BCAS1: variants seen among roughly 807,000 people sequenced by gnomAD.
BCAS1 encodes the protein brain enriched myelin associated protein 1.
In BCAS1, 46 loss-of-function variants were observed where a neutral mutation model predicts 65.4. The observed-to-expected ratio is 0.70, with a 90% CI of 0.55 to 0.90. The LOEUF is 0.90. Ranked by LOEUF, BCAS1 falls within the 40% of genes least tolerant of loss-of-function variation. The probability of loss-of-function intolerance (pLI) is 0.00; values close to 1 mark genes in which losing one functional copy is unlikely to be tolerated. For synonymous variants in BCAS1, 298 were observed against 293.5 expected, an observed-to-expected ratio of 1.02 and a Z score of -0.16; for missense variants, 793 against 771.2, an observed-to-expected ratio of 1.03 and a Z score of -0.33.
At chr20:53,993,496 C>A (rs1238335166) in intron 6 of BCAS1, among the ~76,000 whole-genome samples, 1 of 152,164 alleles carries the variant, frequency 6.6e-6, no homozygotes, top group Non-Finnish European at 1.5e-5. Context: ...ACTAATGTGA[C>A]CCCACAGCTT....
chr20:54,056,385 G>A (rs1388447574), intron 3 of BCAS1, among the ~76,000 whole-genome samples: 1 of 152,142 alleles, frequency 6.6e-6, no homozygotes, highest in Non-Finnish European at 1.5e-5. Flanking sequence ...GTTCTCACTT[G>A]AAAGTGGGAG....
intron 4 of BCAS1, among the ~76,000 whole-genome samples, chr20:54,018,680 C>T (rs1277663952): frequency 2.6e-5 from 4 of 152,182 alleles, no homozygotes; most frequent in Non-Finnish European, 2.9e-5. Flanking sequence ...GCCTGATTGA[C>T]TCTCAGGCTG....
chr20:53,981,994 C>A (rs2090494530), intron 8 of BCAS1, among the ~76,000 whole-genome samples: 1 of 152,174 alleles, frequency 6.6e-6, no homozygotes, highest in Non-Finnish European at 1.5e-5. Context: ...ATGATGACAT[C>A]ATTCACTGAG....
At chr20:53,976,216 T>C (rs950087647) in intron 8 of BCAS1, among the ~76,000 whole-genome samples, 1 of 152,218 alleles carries the variant, frequency 6.6e-6, no homozygotes, top group African/African-American at 2.4e-5. Flanking sequence ...CATCTTTCTT[T>C]TGGTGGTTCT....
At chr20:53,963,001 C>T (rs2089926062) in intron 10 of BCAS1, among the ~76,000 whole-genome samples, 1 of 151,964 alleles carries the variant, frequency 6.6e-6, no homozygotes, top group South Asian at 2.1e-4. Flanking sequence ...CAGGCGCCCG[C>T]CACCATGCCC....
intron 10 of BCAS1, among the ~76,000 whole-genome samples, chr20:53,964,802 T>TC (rs200239647): frequency 0.025 from 3,687 of 148,300 alleles, 114 homozygotes; most frequent in African/African-American, 0.074. Flanking sequence ...TTTAGAGGTT[T>TC]TTTTTTTTTT....
At chr20:53,948,524 G>A (rs1002925184) in intron 12 of BCAS1, among the ~76,000 whole-genome samples, 1 of 152,174 alleles carries the variant, frequency 6.6e-6, no homozygotes. Context: ...CCTTTAGGTG[G>A]GCACCTGCCC....
intron 4 of BCAS1, among the ~76,000 whole-genome samples, chr20:53,996,860 C>T (rs990291516): frequency 4.6e-5 from 7 of 152,220 alleles, no homozygotes; most frequent in African/African-American, 1.7e-4. Flanking sequence ...CATGGTCTGC[C>T]CCTGCCTAAA....
chr20:54,055,705 G>GT (rs886866062), intron 3 of BCAS1, among the ~76,000 whole-genome samples: 1 of 152,074 alleles, frequency 6.6e-6, no homozygotes, highest in Non-Finnish European at 1.5e-5. Context: ...GTAGCCCCAG[G>GT]TTCATTGCAG....
intron 4 of BCAS1, among the ~76,000 whole-genome samples, chr20:54,011,256 G>A (rs1381338715): frequency 6.6e-6 from 1 of 152,026 alleles, no homozygotes; most frequent in African/African-American, 2.4e-5. Context: ...AAAAAATTTT[G>A]CCCTGTAAAA....
At chr20:54,041,597 C>T (rs1334741200) in intron 3 of BCAS1, among the ~76,000 whole-genome samples, 3 of 152,072 alleles carry the variant, frequency 2.0e-5, no homozygotes, top group African/African-American at 7.2e-5. Flanking sequence ...AAAAGAGCAG[C>T]TGTGGCTGGG....
intron 12 of BCAS1, 151 bp from the exon 13 acceptor site, chr20:53,945,147 G>C: frequency 1.4e-6 from 1 of 710,654 alleles, no homozygotes; most frequent in Non-Finnish European, 2.5e-6. Flanking sequence ...ATGGTCTCCA[G>C]TCAGATGCCC....
intron 3 of BCAS1, among the ~76,000 whole-genome samples, chr20:54,031,663 G>T (rs2091803386): frequency 6.6e-6 from 1 of 151,402 alleles, no homozygotes; most frequent in African/African-American, 2.4e-5. Flanking sequence ...ACCCAATCAT[G>T]TCATTTAAAC....
chr20:54,004,480 A>G (rs872924), intron 4 of BCAS1, among the ~76,000 whole-genome samples: 56,225 of 152,154 alleles, frequency 0.37, 11,659 homozygotes, highest in South Asian at 0.55. Flanking sequence ...GTGAAGTTCA[A>G]TATAAAGTAA....
In BCAS1 at chr20:53,994,251, T is replaced by G. The variant is rs554503283; in HGVS notation, c.927+761A>C. ...CCAAGACACTTATCTGTCACCAAGT[T>G]AAACTTCCTTCATGGTTCCCGTGAA... On this transcript the variant is annotated intron_variant, in intron 6 of 12. Transcript: ENST00000688948. Among the ~76,000 whole-genome samples, 13 of 152,354 alleles carry G rather than the reference T, an allele frequency of 8.5e-5. No individual in the cohort carries two copies. The South Asian group carries it at 2.7e-3, about 32-fold the overall frequency.
At chr20:54,056,525 T>C (rs2092298937) in intron 3 of BCAS1, among the ~76,000 whole-genome samples, 1 of 152,102 alleles carries the variant, frequency 6.6e-6, no homozygotes, top group Non-Finnish European at 1.5e-5. Flanking sequence ...AGGTGACAGG[T>C]ACATTAAAAG....
At chr20:53,990,416 G>T (rs564417726) in intron 7 of BCAS1, among the ~76,000 whole-genome samples, 1 of 152,280 alleles carries the variant, frequency 6.6e-6, no homozygotes, top group Non-Finnish European at 1.5e-5. Context: ...ACTGATTTCA[G>T]ACTTCCCTAC....
At chr20:53,987,694 A>T (rs1392864887) in intron 7 of BCAS1, among the ~76,000 whole-genome samples, 3 of 152,162 alleles carry the variant, frequency 2.0e-5, no homozygotes, top group Admixed American at 1.3e-4. Flanking sequence ...AGTGCTACTG[A>T]GTGGGGAGGC....
chr20:54,024,199 T>A (rs1052757609), intron 4 of BCAS1, among the ~76,000 whole-genome samples: 13 of 152,194 alleles, frequency 8.5e-5, no homozygotes, highest in Admixed American at 4.6e-4. Context: ...AAACCTAGGC[T>A]ACTTGACTAT....
Sources: allele counts gnomAD v4.1 joint callset (sites outside exome capture counted in the v4.1 genomes callset), GRCh38; gene constraint gnomAD v4.1.1; transcripts MANE v1.5; gene names NCBI Gene and HGNC (gene_info 2026-07-23, HGNC 2026-07-21).